ZNF804B: variants seen among roughly 807,000 people sequenced by gnomAD.
ZNF804B encodes the protein zinc finger 804B.
ZNF804B carries 80 observed loss-of-function variants against 101.4 expected under a neutral mutation model. The observed-to-expected ratio is 0.79, with a 90% CI of 0.66 to 0.95. The LOEUF (loss-of-function observed/expected upper bound fraction) is 0.95, where lower values mean the gene tolerates loss of function less well. Ranked by LOEUF, ZNF804B falls within the 40% of genes least tolerant of loss-of-function variation. The probability of loss-of-function intolerance (pLI) is 0.00; values close to 1 mark genes in which losing one functional copy is unlikely to be tolerated. For missense variants in ZNF804B, 1,673 were observed against 1,561.9 expected (o/e 1.07, Z -1.20); for synonymous variants, 622 against 558.8 (o/e 1.11, Z -1.59).
chr7:88,770,322 G>T (rs1790043799), intron 1 of ZNF804B, among the ~76,000 whole-genome samples: 1 of 152,170 alleles, frequency 6.6e-6, no homozygotes, highest in Non-Finnish European at 1.5e-5. Context: ...GGTCATAAGA[G>T]GGAGGCATGA....
intron 1 of ZNF804B, among the ~76,000 whole-genome samples, chr7:89,194,165 T>A (rs1788506738): frequency 6.6e-6 from 1 of 152,058 alleles, no homozygotes; most frequent in Non-Finnish European, 1.5e-5. Flanking sequence ...GGGTTGTTTG[T>A]TTTTTTCTTG....
At chr7:89,025,529 T>C (rs190522932) in intron 1 of ZNF804B, among the ~76,000 whole-genome samples, 1 of 152,276 alleles carries the variant, frequency 6.6e-6, no homozygotes, top group East Asian at 1.9e-4. Flanking sequence ...TTCCTGATAC[T>C]ATAAACGTCC....
At chr7:89,316,644 A>G (rs945541960) in intron 2 of ZNF804B, among the ~76,000 whole-genome samples, 1 of 152,084 alleles carries the variant, frequency 6.6e-6, no homozygotes, top group Non-Finnish European at 1.5e-5. Flanking sequence ...GTTCTACAAA[A>G]CCTAAATTTT....
At chr7:88,813,065 G>T (rs968198719) in intron 1 of ZNF804B, among the ~76,000 whole-genome samples, 15 of 151,716 alleles carry the variant, frequency 9.9e-5, no homozygotes, top group Admixed American at 7.2e-4. Flanking sequence ...TTAAAAAATG[G>T]TGAATTACAT....
At chr7:88,958,939 G>A (rs1421334763) in intron 1 of ZNF804B, among the ~76,000 whole-genome samples, 2 of 151,364 alleles carry the variant, frequency 1.3e-5, no homozygotes, top group East Asian at 2.0e-4. Context: ...CTAAATCTCC[G>A]AAAGTGGAAT....
At chr7:89,044,364 C>G (rs1314481389) in intron 1 of ZNF804B, among the ~76,000 whole-genome samples, 1 of 152,132 alleles carries the variant, frequency 6.6e-6, no homozygotes, top group Non-Finnish European at 1.5e-5. Flanking sequence ...TTGGACATTT[C>G]TTTATAGCAG....
chr7:89,091,133 A>G (rs1173397919), intron 1 of ZNF804B, among the ~76,000 whole-genome samples: 1 of 152,128 alleles, frequency 6.6e-6, no homozygotes, highest in Admixed American at 6.6e-5. Context: ...ATTGAATAAT[A>G]TGAAAGATTG....
intron 1 of ZNF804B, among the ~76,000 whole-genome samples, chr7:88,876,503 C>T (rs975902040): frequency 6.6e-6 from 1 of 152,088 alleles, no homozygotes; most frequent in African/African-American, 2.4e-5. Flanking sequence ...GTCATTTATT[C>T]AGTTACCAAA....
chr7:88,809,559 A>G (rs1790749477), intron 1 of ZNF804B, among the ~76,000 whole-genome samples: 1 of 152,218 alleles, frequency 6.6e-6, no homozygotes, highest in Non-Finnish European at 1.5e-5. Flanking sequence ...AATATGCTAG[A>G]CTAATAATTT....
At position 89,285,501 on chromosome 7, in the gene ZNF804B, C is replaced by T. The variant is rs537099345; in HGVS notation, c.250-41843C>T. 6.6e-4 allele frequency among the ~76,000 whole-genome samples: 67 copies of T among 101,818 alleles called. No homozygotes were observed. The Admixed American group carries it at 8.4e-3, about 13-fold the overall frequency. The allele number at this position is 101,818 out of a possible 152,430, so 66.8% of individuals were successfully genotyped here. On this transcript the variant is annotated intron_variant, in intron 2 of 3. Transcript: ENST00000333190. The stretch of plus-strand genomic sequence containing the variant: ...TCATGCCACTGCACTCCAGCCTGGG[C>T]GAGAGAGCGAGACTCTGTCTCAAAA...
intron 1 of ZNF804B, among the ~76,000 whole-genome samples, chr7:89,101,221 T>C (rs1467401624): frequency 6.6e-6 from 1 of 151,964 alleles, no homozygotes; most frequent in Non-Finnish European, 1.5e-5. Flanking sequence ...TATAAAACAG[T>C]TCCTCCGGCA....
chr7:89,219,950 TAC>T (rs1214993612), intron 2 of ZNF804B, among the ~76,000 whole-genome samples: 1 of 144,820 alleles, frequency 6.9e-6, no homozygotes, highest in African/African-American at 2.6e-5. Context: ...TATATGTATA[TAC>T]ATATATGTGT....
At chr7:89,198,024 A>T (rs1562912831) in intron 1 of ZNF804B, among the ~76,000 whole-genome samples, 1 of 151,906 alleles carries the variant, frequency 6.6e-6, no homozygotes, top group African/African-American at 2.4e-5. Context: ...TAGAATGTCC[A>T]AGTTTTCATG....
chr7:88,988,650 A>G (rs1793800237), intron 1 of ZNF804B, among the ~76,000 whole-genome samples: 1 of 152,146 alleles, frequency 6.6e-6, no homozygotes, highest in Admixed American at 6.6e-5. Flanking sequence ...TTGAAAAACA[A>G]CAACAAAAGA....
At chr7:89,267,604 A>C (rs1655582011) in intron 2 of ZNF804B, among the ~76,000 whole-genome samples, 1 of 152,028 alleles carries the variant, frequency 6.6e-6, no homozygotes, top group Non-Finnish European at 1.5e-5. Flanking sequence ...CCTACAAGCC[A>C]GGCATTGCAG....
chr7:89,134,821 G>GT (rs11301136), intron 1 of ZNF804B, among the ~76,000 whole-genome samples: 97 of 148,818 alleles, frequency 6.5e-4, no homozygotes, highest in East Asian at 2.8e-3. Context: ...CAAACATCCT[G>GT]TTTTTTTTTT....
chr7:89,122,190 T>C (rs1171977613), intron 1 of ZNF804B, among the ~76,000 whole-genome samples: 1 of 152,170 alleles, frequency 6.6e-6, no homozygotes, highest in East Asian at 1.9e-4. Flanking sequence ...TATACTAAAC[T>C]TAAATTTGTC....
intron 1 of ZNF804B, among the ~76,000 whole-genome samples, chr7:89,198,390 C>T (rs1012607480): frequency 6.6e-6 from 1 of 151,848 alleles, no homozygotes; most frequent in Non-Finnish European, 1.5e-5. Flanking sequence ...TGTTCATGCT[C>T]ACTATTTATG....
rs191403997 is a variant in ZNF804B at position 89,106,321 on chromosome 7, A to C, written c.109-111834A>C. ...GCCATTATCCTGAGCTGGTCTGTGA[A>C]ACTTTACATATTTAAAGGAGTTTTT... On this transcript the variant is annotated intron_variant, in intron 1 of 3. Transcript: ENST00000333190. 2.6e-5 allele frequency among the ~76,000 whole-genome samples: 4 copies of C among 152,302 alleles called. No individual in the cohort carries two copies. The East Asian group carries it at 7.7e-4, about 29-fold the overall frequency.
Sources: allele counts gnomAD v4.1 joint callset (sites outside exome capture counted in the v4.1 genomes callset), GRCh38; gene constraint gnomAD v4.1.1; transcripts MANE v1.5; gene names NCBI Gene and HGNC (gene_info 2026-07-23, HGNC 2026-07-21).